Variants in EIF3I observed in about 807,000 individuals in gnomAD.
EIF3I encodes the protein eukaryotic translation initiation factor 3 subunit I, also known as TGF-beta receptor-interacting protein 1.
EIF3I carries 20 observed loss-of-function variants against 43.3 expected under a neutral mutation model. That is an observed-to-expected ratio of 0.46 (90% CI 0.32 to 0.67). The LOEUF is 0.67. EIF3I is among the 30% of genes least tolerant of loss of function. The pLI is 0.03. For synonymous variants in EIF3I, 167 were observed against 151.7 expected (o/e 1.10, Z -0.74); for missense variants, 279 against 421.4 (o/e 0.66, Z 2.96).
At chr1:32,225,396 G>A (rs1002597255) in intron 4 of EIF3I, among the ~76,000 whole-genome samples, 1 of 152,192 alleles carries the variant, frequency 6.6e-6, no homozygotes, top group South Asian at 2.1e-4. Flanking sequence ...TGCAGTCTAC[G>A]TATGAGTAGT....
intron 2 of EIF3I, among the ~76,000 whole-genome samples, chr1:32,222,902 G>C (rs1434852326): frequency 3.3e-5 from 5 of 152,114 alleles, no homozygotes; most frequent in Non-Finnish European, 7.3e-5. Context: ...TTGGAGACCA[G>C]CCTGAGCAAC....
At chr1:32,226,564 A>T in intron 6 of EIF3I, 34 bp downstream of exon 6, 1 of 1,421,646 alleles carries the variant, frequency 7.0e-7, no homozygotes, top group Non-Finnish European at 9.2e-7. Context: ...GCCTACCAGA[A>T]TAATTTTTTT....
At chr1:32,222,434 C>T (rs755243906) in exon 1 of EIF3I, 6 of 1,598,416 alleles carry the variant, frequency 3.8e-6, no homozygotes, top group East Asian at 2.2e-5. Flanking sequence ...CCTCGCGTCA[C>T]AGCCGGGATG....
exon 12 of EIF3I, chr1:32,231,269 T>G (rs528138540): frequency 7.3e-7 from 1 of 1,376,766 alleles, no homozygotes; most frequent in African/African-American, 1.4e-5. Flanking sequence ...GGCAGGCGGA[T>G]CACCTGAGGT....
chr1:32,232,970 A>T (rs935541889), downstream of EIF3I, among the ~76,000 whole-genome samples: 1 of 152,104 alleles, frequency 6.6e-6, no homozygotes, highest in Non-Finnish European at 1.5e-5. Flanking sequence ...CAAATAATAA[A>T]AATACCACTT....
chr1:32,227,098 T>A (rs1035799552), intron 6 of EIF3I, among the ~76,000 whole-genome samples: 1 of 151,212 alleles, frequency 6.6e-6, no homozygotes, highest in East Asian at 1.9e-4. Flanking sequence ...CCTCGGGTCC[T>A]GGTGATAGCA....
downstream of EIF3I, among the ~76,000 whole-genome samples, chr1:32,232,758 T>A (rs781723311): frequency 2.0e-5 from 3 of 151,770 alleles, no homozygotes; most frequent in Non-Finnish European, 4.4e-5. Context: ...AGATGAAGGA[T>A]GGGGGAGAGG....
At chr1:32,235,110 C>A (rs1639282453), downstream of EIF3I, 1 of 152,806 alleles carries the variant, frequency 6.5e-6, no homozygotes, top group Non-Finnish European at 1.5e-5. Context: ...GCAGGGGACG[C>A]CCTCTGGGCG....
rs886583742 is a variant in EIF3I at position 32,226,035 on chromosome 1, AAAAG to A, written c.251-132_251-129del. The A allele has an allele frequency of 4.3e-5, 53 of 1,235,432 alleles. No homozygotes were observed. The African/African-American group carries it at 6.1e-4, about 14-fold the overall frequency. The allele number at this position is 1,235,432 out of a possible 1,614,324, so 76.5% of individuals were successfully genotyped here. A position where few individuals can be genotyped will look rare whatever the true frequency, so the allele number is the denominator to read the frequency against. ...GAAACTGTCTCAAAAAAGAAAAAAAAAAAGAAAAGTTAAAATACTTTTTAAGTTT... is the reference window on the plus strand; with the variant it reads ...GAAACTGTCTCAAAAAAGAAAAAAAAAAAAGTTAAAATACTTTTTAAGTTT... On this transcript the variant is annotated intron_variant, in intron 4 of 11. Transcript: ENST00000676679.
At chr1:32,224,316 G>C (rs1046693708) in intron 3 of EIF3I, 94 bp from the exon 4 acceptor site, 6 of 1,203,254 alleles carry the variant, frequency 5.0e-6, no homozygotes, top group Middle Eastern at 1.9e-4. Flanking sequence ...GGGTAGAAAG[G>C]CTCTTTGGGG....
intron 2 of EIF3I, among the ~76,000 whole-genome samples, chr1:32,223,669 G>A (rs1639081250): frequency 6.6e-6 from 1 of 152,212 alleles, no homozygotes; most frequent in African/African-American, 2.4e-5. Context: ...TGGCAGAGCA[G>A]GCACCAGAAC....
downstream of EIF3I, among the ~76,000 whole-genome samples, chr1:32,233,412 C>T (rs753586843): frequency 6.6e-6 from 1 of 152,166 alleles, no homozygotes; most frequent in African/African-American, 2.4e-5. Flanking sequence ...CCTCAGCCTC[C>T]CAAAGTGCTG....
chr1:32,223,352 C>T (rs949185991), intron 2 of EIF3I, among the ~76,000 whole-genome samples: 3 of 152,160 alleles, frequency 2.0e-5, no homozygotes, highest in Non-Finnish European at 2.9e-5. Context: ...GGCGCGATCT[C>T]GACTCACTGC....
downstream of EIF3I, among the ~76,000 whole-genome samples, chr1:32,233,156 G>C (rs1408563215): frequency 7.2e-5 from 11 of 152,064 alleles, 1 homozygote; most frequent in South Asian, 2.3e-3. Context: ...AACACGCCCG[G>C]CTAATTATAT....
At chr1:32,226,018 C>T in intron 4 of EIF3I, 153 bp from the exon 5 acceptor site, 1 of 1,053,186 alleles carries the variant, frequency 9.5e-7, no homozygotes, top group Admixed American at 3.0e-5. Context: ...GTGAAACTGT[C>T]TCAAAAAAGA....
chr1:32,235,728 T>C (rs1382123124), downstream of EIF3I, among the ~76,000 whole-genome samples: 3 of 152,176 alleles, frequency 2.0e-5, no homozygotes, highest in African/African-American at 7.2e-5. Context: ...AAACACACAA[T>C]GTCCTGGGAA....
At chr1:32,235,363 GCTCTGTCTCC>G (rs1639287142), downstream of EIF3I, among the ~76,000 whole-genome samples, 1 of 147,226 alleles carries the variant, frequency 6.8e-6, no homozygotes, top group Non-Finnish European at 1.5e-5. Context: ...ACGGAATCTT[GCTCTGTCTCC>G]AGGCTGGAGT....
intron 6 of EIF3I, among the ~76,000 whole-genome samples, chr1:32,226,816 G>A (rs546385218): frequency 2.3e-5 from 3 of 129,652 alleles, no homozygotes; most frequent in East Asian, 4.7e-4. Context: ...GCAGTCCACC[G>A]CTCGTGGCTT....
downstream of EIF3I, chr1:32,234,435 A>G (rs1290437634): frequency 6.6e-6 from 1 of 152,584 alleles, no homozygotes; most frequent in African/African-American, 2.4e-5. Context: ...GGAAGGTGCC[A>G]AAAGAGGAGG....
Sources: gnomAD v4.1 joint callset for allele counts (sites outside exome capture counted in the v4.1 genomes callset) on GRCh38, gnomAD v4.1.1 for gene constraint, MANE v1.5 for transcripts, NCBI Gene and HGNC (gene_info 2026-07-23, HGNC 2026-07-21) for gene names.